The following UGT1A8 variants were observed in gnomAD, a reference collection of about 807,000 sequenced individuals.
The protein encoded by UGT1A8 is UDP-glucuronosyltransferase 1A8.
Under a neutral mutation model 45.3 loss-of-function variants are expected in UGT1A8, and 39 were observed. The ratio of observed to expected loss-of-function variants is 0.86; its 90% CI spans 0.67 to 1.12. UGT1A8 has a LOEUF of 1.12. Ranked by LOEUF, UGT1A8 falls within the 50% of genes most tolerant of loss-of-function variation. The pLI is 0.00. For missense variants in UGT1A8, 719 were observed against 664.9 expected (o/e 1.08, Z -0.90); for synonymous variants, 275 against 249.2 (o/e 1.10, Z -0.97).
At chr2:233,720,947 G>A (rs2076910008) in intron 1 of UGT1A8, among the ~76,000 whole-genome samples, 1 of 147,996 alleles carries the variant, frequency 6.8e-6, no homozygotes, top group Non-Finnish European at 1.5e-5. Context: ...CTGACCTCAT[G>A]TGATCTGCCC....
intron 1 of UGT1A8, chr2:233,754,604 C>T (rs1227545131): frequency 6.9e-6 from 3 of 433,838 alleles, no homozygotes; most frequent in Non-Finnish European, 1.4e-5. Context: ...TTTAACTCAA[C>T]TCTCCATCTT....
chr2:233,719,467 A>G (rs1275256399), intron 1 of UGT1A8: 3 of 1,613,820 alleles, frequency 1.9e-6, no homozygotes, highest in South Asian at 1.1e-5. Flanking sequence ...AACATGCTCT[A>G]CCCTCTGGCC....
intron 1 of UGT1A8, among the ~76,000 whole-genome samples, chr2:233,663,644 G>T (rs2074017335): frequency 6.6e-6 from 1 of 152,146 alleles, no homozygotes; most frequent in Admixed American, 6.5e-5. Context: ...AGGGAATCTA[G>T]TCCCCTGGCA....
At chr2:233,725,719 T>C (rs1457326053) in intron 1 of UGT1A8, among the ~76,000 whole-genome samples, 1 of 152,208 alleles carries the variant, frequency 6.6e-6, no homozygotes, top group Non-Finnish European at 1.5e-5. Context: ...TACCATATGG[T>C]CAATGTTTAC....
intron 1 of UGT1A8, chr2:233,713,464 C>G (rs12475068): frequency 0.098 from 158,292 of 1,613,912 alleles, 8,805 homozygotes; most frequent in South Asian, 0.2. Flanking sequence ...CACCTCTGCG[C>G]GGCGGTGCTG....
chr2:233,755,319 C>T (rs776967353), intron 1 of UGT1A8: 53 of 507,946 alleles, frequency 1.0e-4, no homozygotes, highest in Non-Finnish European at 1.5e-4. Context: ...AGCGGCAAGG[C>T]TGCCAGCACC....
chr2:233,772,211 T>C, intron 4 of UGT1A8, 51 bp from the exon 5 acceptor site: 2 of 1,610,790 alleles, frequency 1.2e-6, no homozygotes, highest in Non-Finnish European at 1.7e-6. Flanking sequence ...AAAGAGAGGA[T>C]TGTTCATACC....
chr2:233,629,520 C>G (rs1354228182), intron 1 of UGT1A8, among the ~76,000 whole-genome samples: 2 of 152,064 alleles, frequency 1.3e-5, no homozygotes, highest in African/African-American at 2.4e-5. Flanking sequence ...ATATTACAGA[C>G]TTTGACTTGC....
chr2:233,656,930 T>G (rs369184190), intron 1 of UGT1A8, among the ~76,000 whole-genome samples: 7 of 152,182 alleles, frequency 4.6e-5, no homozygotes, highest in East Asian at 1.9e-4. Context: ...CATCTTTTTT[T>G]TTTTTCCTTT....
chr2:233,620,071 T>A (rs546525012), intron 1 of UGT1A8, among the ~76,000 whole-genome samples: 1 of 152,328 alleles, frequency 6.6e-6, no homozygotes, highest in East Asian at 1.9e-4. Flanking sequence ...TTTTTGTCTA[T>A]TGTTCTGGCT....
chr2:233,740,757 T>C (rs1350241076), intron 1 of UGT1A8: 3 of 151,778 alleles, frequency 2.0e-5, no homozygotes, highest in Non-Finnish European at 2.9e-5. Context: ...CTGAAAACCT[T>C]ATCAAACCGT....
At chr2:233,623,018 C>T (rs1373263148) in intron 1 of UGT1A8, among the ~76,000 whole-genome samples, 1 of 152,058 alleles carries the variant, frequency 6.6e-6, no homozygotes, top group Non-Finnish European at 1.5e-5. Flanking sequence ...TCAGGTTTGT[C>T]AAAGATCAGA....
chr2:233,699,823 C>G (rs1272695507), intron 1 of UGT1A8, among the ~76,000 whole-genome samples: 1 of 152,170 alleles, frequency 6.6e-6, no homozygotes, highest in Non-Finnish European at 1.5e-5. Context: ...TAGTAGTTCT[C>G]AAATAGAACT....
At chr2:233,709,366 GT>G in intron 1 of UGT1A8, among the ~76,000 whole-genome samples, 1 of 152,240 alleles carries the variant, frequency 6.6e-6, no homozygotes, top group South Asian at 2.1e-4. Context: ...AGATTTTTCT[GT>G]GTCCTAATCT....
At chr2:233,650,482 G>A (rs1459731818) in intron 1 of UGT1A8, among the ~76,000 whole-genome samples, 1 of 152,202 alleles carries the variant, frequency 6.6e-6, no homozygotes, top group African/African-American at 2.4e-5. Context: ...TAGAGCATGA[G>A]CAAGATGAAT....
chr2:233,713,766 G>T, intron 1 of UGT1A8: 6 of 1,613,460 alleles, frequency 3.7e-6, no homozygotes, highest in Non-Finnish European at 5.1e-6. Flanking sequence ...GCTGTTCCGA[G>T]GGGACTTTGT....
chr2:233,707,103 C>T (rs1046537391), intron 1 of UGT1A8, among the ~76,000 whole-genome samples: 2 of 152,060 alleles, frequency 1.3e-5, no homozygotes, highest in Non-Finnish European at 1.5e-5. Flanking sequence ...AGCTGAGGGA[C>T]CCCCAAAATA....
chr2:233,756,399 T>G (rs189386635), intron 1 of UGT1A8: 1 of 152,208 alleles, frequency 6.6e-6, no homozygotes. Flanking sequence ...CAGTATTGGT[T>G]TTTTATTTGT....
chr2:233,656,654 TTTTAACAC>T (rs779067505), intron 1 of UGT1A8, among the ~76,000 whole-genome samples: 41 of 152,252 alleles, frequency 2.7e-4, no homozygotes, highest in Non-Finnish European at 2.8e-4. Context: ...CTCATCTCTA[TTTTAACAC>T]TAAAGTGGGT....
Sources: allele counts gnomAD v4.1 joint callset (sites outside exome capture counted in the v4.1 genomes callset), GRCh38; gene constraint gnomAD v4.1.1; transcripts MANE v1.5; gene names NCBI Gene and HGNC (gene_info 2026-07-23, HGNC 2026-07-21).